Variants in PHF3 observed in about 807,000 individuals in gnomAD.
The protein encoded by PHF3 is PHD finger protein 3.
A neutral mutation model predicts 178.4 loss-of-function variants in PHF3; 41 were observed. The ratio of observed to expected loss-of-function variants is 0.23; its 90% CI spans 0.18 to 0.30. PHF3 has a LOEUF of 0.30. Ranked by LOEUF, PHF3 falls within the 10% of genes least tolerant of loss-of-function variation. The pLI, the probability that PHF3 is intolerant of heterozygous loss-of-function variation, is 1.00. For missense variants in PHF3, 2,346 were observed against 2,398.1 expected (o/e 0.98, Z 0.45); for synonymous variants, 842 against 800.5 (o/e 1.05, Z -0.88).
chr6:63,695,870 G>A (rs1767208932), intron 6 of PHF3, among the ~76,000 whole-genome samples: 1 of 152,230 alleles, frequency 6.6e-6, no homozygotes, highest in Non-Finnish European at 1.5e-5. Context: ...GAAGAAAATT[G>A]AAAAATTATG....
At chr6:63,701,030 G>T (rs759421987) in intron 9 of PHF3, among the ~76,000 whole-genome samples, 2 of 152,160 alleles carry the variant, frequency 1.3e-5, no homozygotes, top group Non-Finnish European at 2.9e-5. Context: ...GATGGGAAAA[G>T]AATTAACATC....
In PHF3 at chr6:63,713,756, T is replaced by C; in HGVS notation, c.*48T>C. ...TACATTTAAATAACTGTTAAAATGTTGTATCTTGTAAACAAAAGAAAGATT... is the reference window on the plus strand; with the variant it reads ...TACATTTAAATAACTGTTAAAATGTCGTATCTTGTAAACAAAAGAAAGATT... On this transcript the variant is annotated 3_prime_UTR_variant, in exon 16 of 16. Transcript: ENST00000262043. The C allele has an allele frequency of 7.1e-6, 10 of 1,399,992 alleles. No homozygotes were observed. The highest frequency in any genetic ancestry group is 1.5e-5 in the African/African-American group (1 of 68,572). The allele number at this position is 1,399,992 out of a possible 1,614,324, so 86.7% of individuals were successfully genotyped here.
Position 63,685,891 on chromosome 6 carries a change from C to A in PHF3, c.2169C>A (p.Cys723Ter). The change falls in exon 4 of 16, where the codon TGC (cysteine) becomes TGA (stop). Residue 723 changes from cysteine (C) to a stop codon, truncating the protein, a stop_gained. Coordinates refer to ENST00000262043, the MANE Select transcript of PHF3 (RefSeq NM_001370348.2). LOFTEE classifies it high-confidence loss of function. ...CTCCCAGCAAGCAGTGTGGGTTTTG[C>A]AAAAAACCACATGGCAACAGGTGTG... The part of the protein sequence containing the change: ...MWTPSKQCGF[C>*]KKPHGNRFMV... 1 of 1,608,844 alleles carries A rather than the reference C, an allele frequency of 6.2e-7. No individual in the cohort carries two copies. Among genetic ancestry groups the A allele is most frequent in the Non-Finnish European group, 8.5e-7 (1 of 1,178,428 alleles).
chr6:63,707,851 G>GTT (rs1358796924), intron 13 of PHF3, among the ~76,000 whole-genome samples: 1 of 149,850 alleles, frequency 6.7e-6, no homozygotes, highest in Admixed American at 6.7e-5. Flanking sequence ...TTGTGGGTTT[G>GTT]TTTTTGTTTT....
rs556777626 is a variant in PHF3, at chr6:63,660,597, T to C, written c.244+13802T>C. 7.2e-5 allele frequency among the ~76,000 whole-genome samples: 11 copies of C among 152,302 alleles called. No individual in the cohort carries two copies. The South Asian group carries it at 1.5e-3, about 20-fold the overall frequency. On this transcript the variant is annotated intron_variant, in intron 2 of 15. Coordinates refer to ENST00000262043, the MANE Select transcript of PHF3 (RefSeq NM_001370348.2). ...ATAGAAATAATTTTTCTTCTTATTT[T>C]CCCAGGATGTTTAATAAGTCTAGTT...
At chr6:63,705,474 C>A (rs1397077113) in intron 11 of PHF3, among the ~76,000 whole-genome samples, 1 of 152,136 alleles carries the variant, frequency 6.6e-6, no homozygotes, top group Non-Finnish European at 1.5e-5. Context: ...GGGGTGCAAA[C>A]CCTATTGTGA....
intron 3 of PHF3, 43 bp downstream of exon 3, chr6:63,680,204 G>A (rs755824915): frequency 1.4e-6 from 2 of 1,479,080 alleles, no homozygotes; most frequent in African/African-American, 1.4e-5. Context: ...TAGAGGTATA[G>A]GGACAGATGT....
chr6:63,663,183 C>T (rs893652276), intron 2 of PHF3, among the ~76,000 whole-genome samples: 1 of 152,110 alleles, frequency 6.6e-6, no homozygotes, highest in East Asian at 1.9e-4. Context: ...TCTTTGCTAT[C>T]TTTTGAGGAC....
intron 2 of PHF3, among the ~76,000 whole-genome samples, chr6:63,678,162 G>A (rs1277941082): frequency 1.3e-5 from 2 of 151,712 alleles, no homozygotes; most frequent in East Asian, 3.9e-4. Flanking sequence ...GGTGGAGGTT[G>A]CAGTGAGCCA....
chr6:63,714,945 T>G lies in PHF3; in HGVS notation c.*1237T>G, dbSNP rs1768137375. The G allele has an allele frequency of 6.6e-6, 1 of 152,060 alleles. No individual in the cohort carries two copies. The highest frequency in any genetic ancestry group is 1.5e-5 in the Non-Finnish European group (1 of 67,964). The allele number at this position is 152,060 out of a possible 1,614,324, so 9.4% of individuals were successfully genotyped here. A position where few individuals can be genotyped will look rare whatever the true frequency, so the allele number is the denominator to read the frequency against. Reference sequence around the variant, plus strand: ...TATTTAAACCCTAAAACACATGGTTTTGATGGCTGTAATTTAAAGTAAGAG... The same window carrying G: ...TATTTAAACCCTAAAACACATGGTTGTGATGGCTGTAATTTAAAGTAAGAG... On this transcript the variant is annotated 3_prime_UTR_variant, in exon 16 of 16. Transcript: ENST00000262043.
chr6:63,641,412 C>T (rs188242898), intron 1 of PHF3, among the ~76,000 whole-genome samples: 1 of 151,992 alleles, frequency 6.6e-6, no homozygotes, highest in Non-Finnish European at 1.5e-5. Flanking sequence ...CCCCTCACAC[C>T]ACCCCCCTAC....
At chr6:63,690,111 T>G (rs1158514671) in intron 4 of PHF3, among the ~76,000 whole-genome samples, 1 of 152,178 alleles carries the variant, frequency 6.6e-6, no homozygotes, top group Non-Finnish European at 1.5e-5. Flanking sequence ...ATTCCACTTT[T>G]GCTAGAATAT....
rs761391140 is a variant in PHF3 at position 63,713,546 on chromosome 6, C to T, written c.5958C>T (p.Ser1986=). ...ATCGAGGAACAGATGGAAAAGCAAG[C>T]AGAGATAGTAGGAATGTAGACAAGA... ...HGDRGTDGKA[S]RDSRNVDKKP... The change falls in exon 16 of 16, where the codon AGC becomes AGT. Residue 1986 remains serine, a synonymous_variant. Transcript: ENST00000262043. The T allele has an allele frequency of 2.0e-5, 33 of 1,613,298 alleles. No individual in the cohort carries two copies. In the African/African-American group the frequency reaches 4.0e-4, roughly 20 times the overall value.
intron 2 of PHF3, among the ~76,000 whole-genome samples, chr6:63,651,992 A>G (rs542340835): frequency 2.6e-4 from 40 of 152,192 alleles, no homozygotes; most frequent in Admixed American, 2.4e-3. Flanking sequence ...GCTATTGTTA[A>G]TAGTGCTGTA....
intron 4 of PHF3, chr6:63,686,270 T>TA (rs1406422444): frequency 5.1e-6 from 1 of 194,746 alleles, no homozygotes; most frequent in Non-Finnish European, 1.0e-5. Flanking sequence ...AGTTATATAT[T>TA]AATTCATTTG....
In PHF3 at chr6:63,716,782, C is replaced by T. The variant is rs1330569934; in HGVS notation, c.*3074C>T. Among the ~76,000 whole-genome samples, 1 of 151,936 alleles carries T rather than the reference C, an allele frequency of 6.6e-6. No individual in the cohort carries two copies. Among genetic ancestry groups the T allele is most frequent in the African/African-American group, 2.4e-5 (1 of 41,374 alleles). Reference sequence around the variant, plus strand: ...CAGCAGTGTGGGACCCAGTCTTTCTCTAGTATCTCTGACCTTCCCTTCTGA... The same window carrying T: ...CAGCAGTGTGGGACCCAGTCTTTCTTTAGTATCTCTGACCTTCCCTTCTGA... On this transcript the variant is annotated 3_prime_UTR_variant, in exon 16 of 16. Transcript: ENST00000262043.
At chr6:63,669,507 T>G (rs1452983033) in intron 2 of PHF3, among the ~76,000 whole-genome samples, 1 of 152,226 alleles carries the variant, frequency 6.6e-6, no homozygotes, top group Non-Finnish European at 1.5e-5. Flanking sequence ...ATTCGATCCA[T>G]TCGTCTAATT....
Position 63,648,026 on chromosome 6 carries a change from G to T in PHF3, c.244+1231G>T, listed in dbSNP as rs142412925. On this transcript the variant is annotated intron_variant, in intron 2 of 15. Coordinates refer to ENST00000262043, the MANE Select transcript of PHF3 (RefSeq NM_001370348.2). ...CAATACTTAAAGTTGGGAATAGGTG[G>T]TCTGCTGTTGGCCCTTAAGTTTGCC... is the stretch of plus-strand genomic sequence containing the variant. Among the ~76,000 whole-genome samples the T allele has an allele frequency of 3.9e-3, 586 of 152,190 alleles. 3 individuals carry two copies. The highest frequency in any genetic ancestry group is 0.012 in the African/African-American group (509 of 41,530).
At chr6:63,657,706 C>T (rs192887419) in intron 2 of PHF3, among the ~76,000 whole-genome samples, 4 of 152,244 alleles carry the variant, frequency 2.6e-5, no homozygotes, top group East Asian at 1.9e-4. Context: ...AGTGGAACTG[C>T]GCAGTTCAAA....
Sources: allele counts gnomAD v4.1 joint callset (sites outside exome capture counted in the v4.1 genomes callset), GRCh38; gene constraint gnomAD v4.1.1; transcripts MANE v1.5; gene names NCBI Gene and HGNC (gene_info 2026-07-23, HGNC 2026-07-21).